The following LRRC4C variants were observed in gnomAD, a reference collection of about 807,000 sequenced individuals.
LRRC4C encodes leucine rich repeat containing 4C.
A neutral mutation model predicts 33.6 loss-of-function variants in LRRC4C; 5 were observed. That is an observed-to-expected ratio of 0.15 (90% CI 0.08 to 0.31). LRRC4C has a LOEUF of 0.31. Ranked by LOEUF, LRRC4C falls within the 10% of genes least tolerant of loss-of-function variation. The pLI, the probability that LRRC4C is intolerant of heterozygous loss-of-function variation, is 1.00. For synonymous variants in LRRC4C, 329 were observed against 302.0 expected (o/e 1.09, Z -0.93); for missense variants, 560 against 796.7 (o/e 0.70, Z 3.58).
chr11:40,573,355 G>A (rs1049643949), intron 3 of LRRC4C, among the ~76,000 whole-genome samples: 4 of 152,048 alleles, frequency 2.6e-5, no homozygotes, highest in African/African-American at 9.7e-5. Context: ...AGCTTCATAT[G>A]TTCATCCTTT....
chr11:41,116,694 C>G (rs1942147958), intron 1 of LRRC4C, among the ~76,000 whole-genome samples: 1 of 151,886 alleles, frequency 6.6e-6, no homozygotes, highest in Non-Finnish European at 1.5e-5. Context: ...CTCTTAAAAC[C>G]CTCCATTAAT....
At chr11:41,362,223 C>A (rs930004740) in intron 1 of LRRC4C, among the ~76,000 whole-genome samples, 2 of 152,114 alleles carry the variant, frequency 1.3e-5, no homozygotes, top group Admixed American at 1.3e-4. Flanking sequence ...TACTGGTCTT[C>A]CCCACATCTT....
At chr11:40,343,818 A>G (rs910900425) in intron 3 of LRRC4C, among the ~76,000 whole-genome samples, 2 of 151,932 alleles carry the variant, frequency 1.3e-5, no homozygotes, top group Non-Finnish European at 2.9e-5. Context: ...CAAAGGGGTC[A>G]TTACCACTGA....
intron 3 of LRRC4C, among the ~76,000 whole-genome samples, chr11:40,452,947 C>T (rs184223306): frequency 9.9e-5 from 15 of 151,190 alleles, no homozygotes; most frequent in African/African-American, 1.7e-4. Flanking sequence ...AACCAAACAC[C>T]GCATGTTCTC....
intron 1 of LRRC4C, among the ~76,000 whole-genome samples, chr11:41,371,529 C>T (rs1191234553): frequency 6.6e-6 from 1 of 152,132 alleles, no homozygotes; most frequent in East Asian, 1.9e-4. Context: ...TTCAGGTAAA[C>T]TGGAAGAAGA....
At chr11:40,874,103 C>A (rs923189667) in intron 2 of LRRC4C, among the ~76,000 whole-genome samples, 1 of 152,124 alleles carries the variant, frequency 6.6e-6, no homozygotes, top group African/African-American at 2.4e-5. Context: ...AGAGAAAATG[C>A]ACAATATTGG....
chr11:40,556,244 A>G (rs944674143), intron 3 of LRRC4C, among the ~76,000 whole-genome samples: 1 of 152,238 alleles, frequency 6.6e-6, no homozygotes, highest in Non-Finnish European at 1.5e-5. Flanking sequence ...TCTGACATGT[A>G]TATCCTATAG....
chr11:41,416,901 T>A (rs1008887756), intron 1 of LRRC4C, among the ~76,000 whole-genome samples: 7 of 152,012 alleles, frequency 4.6e-5, no homozygotes, highest in African/African-American at 7.2e-5. Context: ...CCATCTCTTG[T>A]GGCGTGGCAA....
intron 1 of LRRC4C, among the ~76,000 whole-genome samples, chr11:41,388,770 G>A (rs1018959692): frequency 6.6e-6 from 1 of 151,866 alleles, no homozygotes; most frequent in Non-Finnish European, 1.5e-5. Context: ...CCAAAAGACA[G>A]GAAGAGGGTT....
chr11:40,544,104 T>TA (rs1324334875), intron 3 of LRRC4C, among the ~76,000 whole-genome samples: 1 of 152,060 alleles, frequency 6.6e-6, no homozygotes, highest in African/African-American at 2.4e-5. Context: ...AAATAGATTT[T>TA]AAAAACATCT....
intron 4 of LRRC4C, among the ~76,000 whole-genome samples, chr11:40,310,637 G>A (rs560750415): frequency 6.6e-6 from 1 of 152,088 alleles, no homozygotes; most frequent in East Asian, 1.9e-4. Flanking sequence ...CAGATACTGT[G>A]CTACACTCTT....
At chr11:40,630,846 G>A (rs935440536) in intron 3 of LRRC4C, among the ~76,000 whole-genome samples, 1 of 152,094 alleles carries the variant, frequency 6.6e-6, no homozygotes, top group African/African-American at 2.4e-5. Context: ...CACTTTGTAA[G>A]ACATAGAGAG....
chr11:40,696,748 G>GTATGTATATATATATCTGAGTA (rs1555147676), intron 2 of LRRC4C, among the ~76,000 whole-genome samples: 27 of 125,884 alleles, frequency 2.1e-4, no homozygotes, highest in East Asian at 7.0e-4. Context: ...TATACACTGT[G>GTATGTATATATATATCTGAGTA]TATATATATA....
rs544902384 is a variant in LRRC4C, at chr11:41,152,564, G to GA, written c.-495-218842dup. Among the ~76,000 whole-genome samples, 973 of 152,022 alleles carry GA rather than the reference G, an allele frequency of 6.4e-3. 15 individuals carry two copies. Among genetic ancestry groups the GA allele is most frequent in the African/African-American group, 0.022 (894 of 41,470 alleles). On this transcript the variant is annotated intron_variant, in intron 1 of 6. Coordinates refer to ENST00000528697, the MANE Select transcript of LRRC4C (RefSeq NM_001258419.2). The stretch of plus-strand genomic sequence containing the variant: ...TATGAACCCAGGCCTAGTTAGCACA[G>GA]AAAAAAAGCTATAAAAGTCATTTAT...
At chr11:41,028,270 T>TA (rs1399703748) in intron 1 of LRRC4C, among the ~76,000 whole-genome samples, 2 of 151,392 alleles carry the variant, frequency 1.3e-5, no homozygotes, top group Non-Finnish European at 3.0e-5. Flanking sequence ...ATCTAAGCAT[T>TA]AAAAAAATAT....
chr11:40,625,295 C>A (rs754472401), intron 3 of LRRC4C, among the ~76,000 whole-genome samples: 11 of 152,094 alleles, frequency 7.2e-5, no homozygotes, highest in Non-Finnish European at 1.0e-4. Flanking sequence ...GTAAGAAATA[C>A]CCAAGACTGG....
intron 1 of LRRC4C, among the ~76,000 whole-genome samples, chr11:41,138,852 G>A (rs1215932932): frequency 1.3e-5 from 2 of 152,098 alleles, no homozygotes; most frequent in African/African-American, 4.8e-5. Context: ...TATTTCCCAA[G>A]GGAGAACTTG....
chr11:40,257,242 T>C (rs905634006), intron 4 of LRRC4C, among the ~76,000 whole-genome samples: 2 of 149,102 alleles, frequency 1.3e-5, no homozygotes, highest in African/African-American at 2.4e-5. Context: ...AAGGATTCTA[T>C]TGGCTGAGTA....
intron 1 of LRRC4C, among the ~76,000 whole-genome samples, chr11:40,992,992 C>T (rs1276586850): frequency 1.3e-5 from 2 of 152,078 alleles, no homozygotes; most frequent in African/African-American, 4.8e-5. Context: ...ATTTTCTGTC[C>T]TAACTGCTCA....
Sources: gnomAD v4.1 joint callset for allele counts (sites outside exome capture counted in the v4.1 genomes callset) on GRCh38, gnomAD v4.1.1 for gene constraint, MANE v1.5 for transcripts, NCBI Gene and HGNC (gene_info 2026-07-23, HGNC 2026-07-21) for gene names.